The following LHFPL3 variants were observed in gnomAD, a reference collection of about 807,000 sequenced individuals.
The protein encoded by LHFPL3 is LHFPL tetraspan subfamily member 3 protein.
Under a neutral mutation model 19.3 loss-of-function variants are expected in LHFPL3, and 5 were observed. The observed-to-expected ratio is 0.26, with a 90% confidence interval of 0.14 to 0.54. LHFPL3 has a LOEUF of 0.54. Among genes scored for constraint, LHFPL3 ranks in the 20% least tolerant of loss-of-function variants. LHFPL3 has a pLI of 0.94. For synonymous variants in LHFPL3, 133 were observed against 126.2 expected (o/e 1.05, Z -0.36); for missense variants, 249 against 307.4 (o/e 0.81, Z 1.42).
At chr7:104,402,547 T>C (rs1354780055) in intron 1 of LHFPL3, among the ~76,000 whole-genome samples, 1 of 152,222 alleles carries the variant, frequency 6.6e-6, no homozygotes, top group Non-Finnish European at 1.5e-5. Context: ...GTATGTTTTC[T>C]CCACACATAA....
chr7:104,835,576 TTGTTTTC>T (rs1451406244), intron 2 of LHFPL3, among the ~76,000 whole-genome samples: 3 of 93,058 alleles, frequency 3.2e-5, no homozygotes, highest in African/African-American at 9.8e-5. Context: ...CTCCAGAACT[TTGTTTTC>T]TTTTTTTTTT....
chr7:104,387,255 C>A (rs185684697), intron 1 of LHFPL3, among the ~76,000 whole-genome samples: 78 of 152,234 alleles, frequency 5.1e-4, no homozygotes, highest in Admixed American at 1.2e-3. Context: ...GTAATCCCAG[C>A]TACTTGGGAG....
intron 1 of LHFPL3, among the ~76,000 whole-genome samples, chr7:104,633,877 A>C (rs1227625729): frequency 1.2e-4 from 19 of 152,070 alleles, no homozygotes; most frequent in Admixed American, 1.2e-3. Flanking sequence ...CCCCCTACCC[A>C]TCCTCCACCC....
chr7:104,536,174 G>T (rs765157640), intron 1 of LHFPL3, among the ~76,000 whole-genome samples: 5 of 152,192 alleles, frequency 3.3e-5, no homozygotes, highest in African/African-American at 4.8e-5. Context: ...GTTGAAGAAG[G>T]CATGGAAGTA....
At chr7:104,549,031 A>G (rs1441201541) in intron 1 of LHFPL3, among the ~76,000 whole-genome samples, 1 of 152,224 alleles carries the variant, frequency 6.6e-6, no homozygotes, top group Non-Finnish European at 1.5e-5. Context: ...AGAATCCAGT[A>G]ATTGGACTTG....
chr7:104,623,047 T>C, intron 1 of LHFPL3: 1 of 347,442 alleles, frequency 2.9e-6, no homozygotes, highest in Non-Finnish European at 6.0e-6. Context: ...GTTGAGCATC[T>C]TTTCATGTAT....
chr7:104,576,739 T>C (rs948116661), intron 1 of LHFPL3, among the ~76,000 whole-genome samples: 2 of 152,220 alleles, frequency 1.3e-5, no homozygotes, highest in Admixed American at 1.3e-4. Flanking sequence ...ATCAGTCTTA[T>C]ACCTTGACCT....
At chr7:104,732,057 C>T (rs574336257) in intron 1 of LHFPL3, among the ~76,000 whole-genome samples, 98 of 152,316 alleles carry the variant, frequency 6.4e-4, no homozygotes, top group African/African-American at 2.1e-3. Flanking sequence ...ACCAGCCTTG[C>T]ATCCCAGGGA....
chr7:104,585,177 C>T (rs7805947), intron 1 of LHFPL3, among the ~76,000 whole-genome samples: 139,213 of 151,896 alleles, frequency 0.92, 64,113 homozygotes, highest in Non-Finnish European at 0.96. Flanking sequence ...TCTAGCCCGA[C>T]GCTGCATGGG....
At chr7:104,689,904 T>C (rs996241186) in intron 1 of LHFPL3, among the ~76,000 whole-genome samples, 1 of 152,208 alleles carries the variant, frequency 6.6e-6, no homozygotes, top group East Asian at 1.9e-4. Context: ...GGCACAGGCA[T>C]ACTTAGCAGC....
chr7:104,843,368 G>A (rs1791250912), intron 2 of LHFPL3, among the ~76,000 whole-genome samples: 1 of 152,214 alleles, frequency 6.6e-6, no homozygotes, highest in Non-Finnish European at 1.5e-5. Flanking sequence ...GATGGAAGCT[G>A]AGCACATTGC....
intron 2 of LHFPL3, among the ~76,000 whole-genome samples, chr7:104,823,108 T>C (rs142143133): frequency 5.6e-4 from 86 of 152,300 alleles, no homozygotes; most frequent in Admixed American, 2.0e-3. Context: ...GTGTATGCTA[T>C]GGAACACAGG....
chr7:104,389,285 A>G (rs925024756), intron 1 of LHFPL3, among the ~76,000 whole-genome samples: 1 of 152,192 alleles, frequency 6.6e-6, no homozygotes, highest in Non-Finnish European at 1.5e-5. Context: ...TAGCATCAAA[A>G]ATAATAAAAT....
chr7:104,504,846 T>C (rs1001736222), intron 1 of LHFPL3, among the ~76,000 whole-genome samples: 8 of 152,222 alleles, frequency 5.3e-5, no homozygotes, highest in Admixed American at 2.0e-4. Context: ...ACAAATATAA[T>C]TGGTTCAGCT....
At chr7:104,594,323 T>C (rs1790793525) in intron 1 of LHFPL3, among the ~76,000 whole-genome samples, 1 of 152,224 alleles carries the variant, frequency 6.6e-6, no homozygotes, top group Non-Finnish European at 1.5e-5. Flanking sequence ...TATGAAATTC[T>C]GGGTTGAAAA....
intron 1 of LHFPL3, among the ~76,000 whole-genome samples, chr7:104,497,725 A>T (rs1047135132): frequency 3.3e-5 from 5 of 151,930 alleles, no homozygotes; most frequent in African/African-American, 1.2e-4. Flanking sequence ...ACTTGCCTGG[A>T]GTCTGGTTAG....
chr7:104,882,718 T>A (rs893183217), intron 2 of LHFPL3, among the ~76,000 whole-genome samples: 1 of 152,200 alleles, frequency 6.6e-6, no homozygotes, highest in African/African-American at 2.4e-5. Flanking sequence ...GTGGTGATAG[T>A]TGTACAACTC....
intron 1 of LHFPL3, among the ~76,000 whole-genome samples, chr7:104,646,416 C>T (rs1432986583): frequency 6.6e-6 from 1 of 152,122 alleles, no homozygotes; most frequent in Non-Finnish European, 1.5e-5. Flanking sequence ...AATAGCACTC[C>T]AAGTATGCAC....
At chr7:104,457,800 T>C (rs1472765227) in intron 1 of LHFPL3, among the ~76,000 whole-genome samples, 41 of 142,750 alleles carry the variant, frequency 2.9e-4, no homozygotes, top group African/African-American at 6.9e-4. Context: ...TTTTAATGAT[T>C]GCCATTCTAA....
Sources: allele counts gnomAD v4.1 joint callset (sites outside exome capture counted in the v4.1 genomes callset), GRCh38; gene constraint gnomAD v4.1.1; transcripts MANE v1.5; gene names NCBI Gene and HGNC (gene_info 2026-07-23, HGNC 2026-07-21).